NLGN1: variants seen among roughly 807,000 people sequenced by gnomAD.
NLGN1 encodes neuroligin 1, also known as neuroligin-1.
A neutral mutation model predicts 65.5 loss-of-function variants in NLGN1; 12 were observed. The observed-to-expected ratio is 0.18, with a 90% CI of 0.12 to 0.30. NLGN1 has a LOEUF of 0.30. Among genes scored for constraint, NLGN1 ranks in the 10% least tolerant of loss-of-function variants. NLGN1 has a pLI of 1.00. For synonymous variants in NLGN1, 350 were observed against 359.5 expected, an observed-to-expected ratio of 0.97 and a Z score of 0.30; for missense variants, 750 against 1,007.1, an observed-to-expected ratio of 0.74 and a Z score of 3.46.
intron 2 of NLGN1, among the ~76,000 whole-genome samples, chr3:173,483,443 T>C (rs967672233): frequency 6.6e-6 from 1 of 152,028 alleles, no homozygotes; most frequent in African/African-American, 2.4e-5. Context: ...ATCCACAAAT[T>C]AATATAATTA....
intron 4 of NLGN1, 59 bp from the exon 5 acceptor site, chr3:174,275,256 T>A (rs1450602586): frequency 3.2e-6 from 4 of 1,260,528 alleles, no homozygotes; most frequent in Non-Finnish European, 2.3e-6. Flanking sequence ...GTGTTTAAAT[T>A]TGATGTCTAT....
intron 4 of NLGN1, among the ~76,000 whole-genome samples, chr3:173,848,955 G>T (rs955226317): frequency 1.3e-5 from 2 of 152,048 alleles, no homozygotes; most frequent in Admixed American, 6.5e-5. Context: ...TAGACATAAG[G>T]TATGTAGAGG....
intron 3 of NLGN1, among the ~76,000 whole-genome samples, chr3:173,779,004 C>A (rs1176459922): frequency 1.3e-5 from 2 of 151,086 alleles, no homozygotes; most frequent in East Asian, 3.9e-4. Context: ...TGATACAGAA[C>A]CATATTTAAT....
intron 2 of NLGN1, among the ~76,000 whole-genome samples, chr3:173,552,777 C>A (rs1741089432): frequency 6.6e-6 from 1 of 152,158 alleles, no homozygotes; most frequent in Non-Finnish European, 1.5e-5. Context: ...GAGCCCTTCC[C>A]ACCTGGCTGT....
intron 4 of NLGN1, among the ~76,000 whole-genome samples, chr3:174,044,891 C>G (rs1289472453): frequency 6.6e-6 from 1 of 152,064 alleles, no homozygotes; most frequent in Non-Finnish European, 1.5e-5. Context: ...AGGGGTTTCC[C>G]CCTTTTGCTT....
chr3:173,573,259 A>C (rs1055483272), intron 2 of NLGN1, among the ~76,000 whole-genome samples: 6 of 152,122 alleles, frequency 3.9e-5, no homozygotes, highest in African/African-American at 1.4e-4. Flanking sequence ...AAAAGTAGGA[A>C]AAATTATATG....
chr3:173,576,865 T>A (rs1409565758), intron 2 of NLGN1, among the ~76,000 whole-genome samples: 1 of 152,214 alleles, frequency 6.6e-6, no homozygotes, highest in African/African-American at 2.4e-5. Flanking sequence ...TCTTGATTTG[T>A]TAATTTCAAT....
intron 2 of NLGN1, among the ~76,000 whole-genome samples, chr3:173,460,213 T>C (rs1576797879): frequency 6.6e-6 from 1 of 152,098 alleles, no homozygotes; most frequent in African/African-American, 2.4e-5. Flanking sequence ...GGCCTCATAA[T>C]AGTGCATTGT....
intron 2 of NLGN1, among the ~76,000 whole-genome samples, chr3:173,589,742 T>C (rs76572283): frequency 0.01 from 1,593 of 152,318 alleles, 39 homozygotes; most frequent in African/African-American, 0.037. Flanking sequence ...TACTGTTTTT[T>C]ATACCAATGT....
At chr3:173,785,664 A>G (rs892239040) in intron 3 of NLGN1, among the ~76,000 whole-genome samples, 7 of 149,372 alleles carry the variant, frequency 4.7e-5, no homozygotes, top group South Asian at 2.1e-4. Context: ...ATACATATGC[A>G]TAGTTGAGTT....
At chr3:173,523,387 G>T (rs537892045) in intron 2 of NLGN1, among the ~76,000 whole-genome samples, 1 of 151,626 alleles carries the variant, frequency 6.6e-6, no homozygotes, top group South Asian at 2.1e-4. Context: ...TATAGTTTCA[G>T]GTATTATGTT....
In NLGN1 at chr3:174,046,494, A is replaced by G. The variant is rs117411230; in HGVS notation, c.647-228821A>G. Among the ~76,000 whole-genome samples the G allele has an allele frequency of 7.2e-3, 1,102 of 152,122 alleles. 23 individuals are homozygous for G. Among genetic ancestry groups the G allele is most frequent in the East Asian group, 0.039 (200 of 5,162 alleles). Reference sequence around the variant, plus strand: ...ATTTGCTCTTGATCTTGCAAGCACAATCCCCTCCCCCAGTGTGACATTTGT... The same window carrying G: ...ATTTGCTCTTGATCTTGCAAGCACAGTCCCCTCCCCCAGTGTGACATTTGT... On this transcript the variant is annotated intron_variant, in intron 4 of 6. Coordinates refer to ENST00000457714, the Ensembl canonical transcript of NLGN1.
chr3:174,153,394 A>G (rs935039573), intron 4 of NLGN1, among the ~76,000 whole-genome samples: 4 of 152,134 alleles, frequency 2.6e-5, no homozygotes, highest in Admixed American at 1.3e-4. Context: ...TTTCCCACAT[A>G]CATTTAAAAT....
chr3:174,107,854 G>C (rs1714285677), intron 4 of NLGN1, among the ~76,000 whole-genome samples: 1 of 151,918 alleles, frequency 6.6e-6, no homozygotes, highest in African/African-American at 2.4e-5. Context: ...ACATCTCATT[G>C]CTTTAATTTG....
intron 3 of NLGN1, among the ~76,000 whole-genome samples, chr3:173,692,157 A>G (rs936076444): frequency 2.0e-5 from 3 of 152,128 alleles, no homozygotes; most frequent in African/African-American, 7.2e-5. Context: ...CTTGTTAGAC[A>G]TAAGGCATTC....
intron 3 of NLGN1, among the ~76,000 whole-genome samples, chr3:173,633,805 G>T (rs757487330): frequency 6.6e-6 from 1 of 152,064 alleles, no homozygotes; most frequent in East Asian, 1.9e-4. Context: ...TCTAATTATC[G>T]TTTAGCAGTA....
chr3:174,057,236 G>A (rs1736336634), intron 4 of NLGN1, among the ~76,000 whole-genome samples: 1 of 152,000 alleles, frequency 6.6e-6, no homozygotes, highest in Non-Finnish European at 1.5e-5. Context: ...AAATTTAGAG[G>A]CATCCATGTG....
At chr3:174,091,580 A>T (rs564938281) in intron 4 of NLGN1, among the ~76,000 whole-genome samples, 1 of 152,320 alleles carries the variant, frequency 6.6e-6, no homozygotes, top group Admixed American at 6.5e-5. Context: ...AGCTACCATG[A>T]TTTTTAATCC....
At chr3:173,717,854 A>C (rs976996380) in intron 3 of NLGN1, among the ~76,000 whole-genome samples, 2 of 152,146 alleles carry the variant, frequency 1.3e-5, no homozygotes, top group Middle Eastern at 3.2e-3. Context: ...ATGTACCCCC[A>C]AAAATTAAAA....
Sources: gnomAD v4.1 joint callset for allele counts (sites outside exome capture counted in the v4.1 genomes callset) on GRCh38, gnomAD v4.1.1 for gene constraint, MANE v1.5 for transcripts, NCBI Gene and HGNC (gene_info 2026-07-23, HGNC 2026-07-21) for gene names.